RYR2: variants seen among roughly 807,000 people sequenced by gnomAD.
RYR2 encodes the protein cardiac muscle ryanodine receptor-calcium release channel.
A neutral mutation model predicts 601.1 loss-of-function variants in RYR2; 227 were observed. The observed-to-expected ratio is 0.38, with a 90% confidence interval of 0.34 to 0.42. The LOEUF is 0.42. Ranked by LOEUF, RYR2 falls within the 10% of genes least tolerant of loss-of-function variation. The pLI, the probability that RYR2 is intolerant of heterozygous loss-of-function variation, is 1.00. For synonymous variants in RYR2, 2,223 were observed against 2,175.1 expected (o/e 1.02, Z -0.61); for missense variants, 4,646 against 6,156.5 (o/e 0.75, Z 8.21).
In RYR2 at chr1:237,065,269, C is replaced by CT. The variant is rs766039441; in HGVS notation, c.48+22727dup. ...CCTCAAAGAGCTCTTGTGTGCTATC[C>CT]TTTTTTTTTTTTTTTTTTTTTTTTT... On this transcript the variant is annotated intron_variant, in intron 1 of 104. Coordinates refer to ENST00000366574, the MANE Select transcript of RYR2 (RefSeq NM_001035.3). 4.7e-3 allele frequency among the ~76,000 whole-genome samples: 361 copies of CT among 77,474 alleles called. 47 individuals carry two copies. Among genetic ancestry groups the CT allele is most frequent in the African/African-American group, 0.017 (322 of 19,160 alleles). 50.8% of individuals were successfully genotyped at this position (77,474 alleles called of 152,430 possible). A position where few individuals can be genotyped will look rare whatever the true frequency, so the allele number is the denominator to read the frequency against.
chr1:237,618,230 A>C (rs1678691871), intron 38 of RYR2, among the ~76,000 whole-genome samples: 1 of 151,566 alleles, frequency 6.6e-6, no homozygotes, highest in Non-Finnish European at 1.5e-5. Flanking sequence ...GAGGAAAGGG[A>C]TGTGGAATTT....
At chr1:237,607,959 A>C (rs1677328981) in intron 35 of RYR2, among the ~76,000 whole-genome samples, 1 of 152,246 alleles carries the variant, frequency 6.6e-6, no homozygotes, top group Non-Finnish European at 1.5e-5. Context: ...CATGGTATAC[A>C]GCAAATTTAT....
intron 1 of RYR2, among the ~76,000 whole-genome samples, chr1:237,134,524 C>T (rs886762794): frequency 6.6e-6 from 1 of 152,090 alleles, no homozygotes; most frequent in Admixed American, 6.5e-5. Context: ...ATCACAAGAA[C>T]AGCATGGGAA....
intron 41 of RYR2, among the ~76,000 whole-genome samples, chr1:237,630,653 G>A (rs1260510196): frequency 6.6e-6 from 1 of 152,054 alleles, no homozygotes; most frequent in East Asian, 1.9e-4. Flanking sequence ...AAGACTCTTG[G>A]CATCGATTTG....
At position 237,614,552 on chromosome 1, in the gene RYR2, C is replaced by T; in HGVS notation, c.5424C>T (p.Asp1808=). ...AVKEGSLHAR[D]PVGGTTEFLF... ...AAGAGGGCAGTCTTCATGCCCGGGA[C>T]CCAGTTGGAGGGACTACTGAATTCC... The change falls in exon 37 of 105, where the codon GAC becomes GAT. Residue 1808 remains aspartate (D), a synonymous_variant. Coordinates refer to ENST00000366574, the MANE Select transcript of RYR2 (RefSeq NM_001035.3). The surrounding 1 kb of genome is among the most constrained non-coding windows in gnomAD (Gnocchi z 4.3). 6.2e-7 allele frequency: 1 copy of T among 1,614,036 alleles called. No homozygotes were observed. The highest frequency in any genetic ancestry group is 8.5e-7 in the Non-Finnish European group (1 of 1,179,904).
At chr1:237,485,342 C>T (rs1044844482) in intron 17 of RYR2, among the ~76,000 whole-genome samples, 3 of 152,102 alleles carry the variant, frequency 2.0e-5, no homozygotes, top group African/African-American at 4.8e-5. Context: ...TTGGCAAACA[C>T]GAGATGACCT....
At chr1:237,750,613 T>C (rs541547106) in intron 80 of RYR2, among the ~76,000 whole-genome samples, 1 of 151,628 alleles carries the variant, frequency 6.6e-6, no homozygotes, top group African/African-American at 2.4e-5. Context: ...TTAAATATAA[T>C]ACTATTTAAA....
At chr1:237,230,242 A>T (rs1015194058) in intron 1 of RYR2, among the ~76,000 whole-genome samples, 2 of 152,222 alleles carry the variant, frequency 1.3e-5, no homozygotes, top group Non-Finnish European at 2.9e-5. Flanking sequence ...GTAATGACAG[A>T]TTCAATTTCT....
intron 58 of RYR2, among the ~76,000 whole-genome samples, chr1:237,670,238 T>A (rs11809511): frequency 0.48 from 72,111 of 149,292 alleles, 18,352 homozygotes; most frequent in African/African-American, 0.66. Context: ...AGATGGCAGC[T>A]GTACAGTCCA....
At chr1:237,294,216 T>C (rs147529431) in intron 2 of RYR2, among the ~76,000 whole-genome samples, 125 of 152,288 alleles carry the variant, frequency 8.2e-4, no homozygotes, top group African/African-American at 2.9e-3. Flanking sequence ...AGTGAGCAAG[T>C]GTACATTTCT....
chr1:237,145,251 G>A (rs959770588), intron 1 of RYR2, among the ~76,000 whole-genome samples: 6 of 151,990 alleles, frequency 3.9e-5, no homozygotes, highest in African/African-American at 1.4e-4. Context: ...AGAAAAAGGT[G>A]CACTGTGGGT....
chr1:237,577,366 T>C (rs1673339157), intron 29 of RYR2, among the ~76,000 whole-genome samples: 1 of 152,226 alleles, frequency 6.6e-6, no homozygotes, highest in East Asian at 1.9e-4. Context: ...TATGTTACTT[T>C]ACATAGCAAA....
rs1335101974 is a variant in RYR2, at chr1:237,605,447, C to CA, written c.4683+3339dup. Among the ~76,000 whole-genome samples the CA allele has an allele frequency of 2.0e-5, 3 of 152,130 alleles. No homozygotes were observed. In the East Asian group the frequency reaches 5.8e-4, roughly 29 times the overall value. ...TCAAATTAATAAGAGCTATTTATGA[C>CA]AAACCCACAGCCAATATCATACTGA... On this transcript the variant is annotated intron_variant, in intron 35 of 104. Coordinates refer to ENST00000366574, the MANE Select transcript of RYR2 (RefSeq NM_001035.3).
intron 35 of RYR2, among the ~76,000 whole-genome samples, chr1:237,603,519 C>T (rs1676749094): frequency 6.6e-6 from 1 of 152,224 alleles, no homozygotes; most frequent in Admixed American, 6.5e-5. Flanking sequence ...ACTGCGTCAA[C>T]TAATGAGCAA....
chr1:237,700,016 T>C (rs1453636211), intron 64 of RYR2, among the ~76,000 whole-genome samples: 1 of 152,202 alleles, frequency 6.6e-6, no homozygotes, highest in African/African-American at 2.4e-5. Context: ...TTTTAATAAG[T>C]TGACTATGAA....
chr1:237,255,838 A>AGTGTGTGTGTGTGTGTGTGT (rs4006354), intron 1 of RYR2, among the ~76,000 whole-genome samples: 3 of 142,860 alleles, frequency 2.1e-5, no homozygotes, highest in African/African-American at 7.8e-5. Flanking sequence ...TTGCTATACC[A>AGTGTGTGTGTGTGTGTGTGT]GTGTGTGTGT....
chr1:237,709,199 C>T (rs1383688059), intron 69 of RYR2, 101 bp downstream of exon 69: 23 of 1,122,412 alleles, frequency 2.0e-5, no homozygotes, highest in Non-Finnish European at 2.8e-5. Flanking sequence ...TTGCCATGAG[C>T]TTGTTGGTAA....
rs1318943750 is a variant in RYR2, at chr1:237,566,645, C to T, written c.3293C>T (p.Ala1098Val). 1.2e-6 allele frequency: 2 copies of T among 1,613,936 alleles called. No individual in the cohort carries two copies. The highest frequency in any genetic ancestry group is 4.5e-5 in the East Asian group (2 of 44,878). ...GCCGAGAAGACCTATGCAGTGAAGGCCGGACGGTGGTATTTTGAATTTGAG... is the reference window on the plus strand; with the variant it reads ...GCCGAGAAGACCTATGCAGTGAAGGTCGGACGGTGGTATTTTGAATTTGAG... The part of the protein sequence containing the change: ...FRAEKTYAVK[A>V]GRWYFEFETV... Residue 1098 changes from alanine to valine, a missense_variant, in exon 28 of 105, where the codon GCC becomes GTC. Physicochemically the swap from Ala to Val is moderately conservative, Grantham distance 64. This residue lies in a region of RYR2 where 1,807 missense variants were observed against 2,088.1 expected (regional missense o/e 0.87). Coordinates refer to ENST00000366574, the MANE Select transcript of RYR2 (RefSeq NM_001035.3).
chr1:237,047,523 G>T (rs889224001), intron 1 of RYR2, among the ~76,000 whole-genome samples: 2 of 151,450 alleles, frequency 1.3e-5, no homozygotes, highest in Admixed American at 1.3e-4. Flanking sequence ...CTGCAGAAGT[G>T]GTCTTCTCCC....
Sources: gnomAD v4.1 joint callset for allele counts (sites outside exome capture counted in the v4.1 genomes callset) on GRCh38, gnomAD v4.1.1 for gene constraint, gnomAD v4.1.1 regional missense constraint, Gnocchi (gnomAD v3.1) non-coding constraint, MANE v1.5 for transcripts, NCBI Gene and HGNC (gene_info 2026-07-23, HGNC 2026-07-21) for gene names.